IQGAP2: variants seen among roughly 807,000 people sequenced by gnomAD.
The protein encoded by IQGAP2 is ras GTPase-activating-like protein IQGAP2.
In IQGAP2, 173 loss-of-function variants were observed where a neutral mutation model predicts 201.3. The ratio of observed to expected loss-of-function variants is 0.86; its 90% CI spans 0.76 to 0.98. The LOEUF is 0.98. IQGAP2 is among the 50% of genes least tolerant of loss of function. IQGAP2 has a pLI of 0.00. For synonymous variants in IQGAP2, 675 were observed against 673.9 expected, an observed-to-expected ratio of 1.00 and a Z score of -0.03; for missense variants, 1,687 against 1,864.8, an observed-to-expected ratio of 0.90 and a Z score of 1.76.
At chr5:76,452,944 T>G (rs1005410569) in intron 1 of IQGAP2, among the ~76,000 whole-genome samples, 1 of 140,706 alleles carries the variant, frequency 7.1e-6, no homozygotes, top group Non-Finnish European at 1.5e-5. Flanking sequence ...GGAGTCTCGC[T>G]CTGTAGCCCA....
At chr5:76,504,098 G>A (rs1453829876) in intron 2 of IQGAP2, among the ~76,000 whole-genome samples, 1 of 152,208 alleles carries the variant, frequency 6.6e-6, no homozygotes, top group Non-Finnish European at 1.5e-5. Flanking sequence ...CAGCGGCCTT[G>A]ACTTTTAGAG....
At chr5:76,673,670 A>G (rs1331952849) in intron 25 of IQGAP2, 81 bp downstream of exon 25, 4 of 1,398,346 alleles carry the variant, frequency 2.9e-6, no homozygotes, top group East Asian at 4.6e-5. Context: ...CCTGTAGTGA[A>G]GACAGCAGTT....
chr5:76,638,934 G>C (rs148692994), intron 16 of IQGAP2, among the ~76,000 whole-genome samples: 28 of 152,310 alleles, frequency 1.8e-4, no homozygotes, highest in African/African-American at 6.3e-4. Context: ...GGTAAAGTCA[G>C]AGGAATGTGA....
At chr5:76,649,964 T>C (rs1752384130) in intron 17 of IQGAP2, among the ~76,000 whole-genome samples, 1 of 152,234 alleles carries the variant, frequency 6.6e-6, no homozygotes, top group Non-Finnish European at 1.5e-5. Context: ...GCTTGCACCC[T>C]CTGAAGCAGC....
intron 2 of IQGAP2, among the ~76,000 whole-genome samples, chr5:76,542,666 T>A (rs1327776287): frequency 6.6e-6 from 1 of 152,234 alleles, no homozygotes; most frequent in Non-Finnish European, 1.5e-5. Context: ...TTGAGCCCCT[T>A]GAGGGACAGG....
chr5:76,696,629 T>C (rs1172196342), intron 32 of IQGAP2, among the ~76,000 whole-genome samples: 1 of 152,182 alleles, frequency 6.6e-6, no homozygotes, highest in African/African-American at 2.4e-5. Context: ...TGCGCTCAGC[T>C]TTGTTCTTTG....
chr5:76,655,050 G>A, intron 20 of IQGAP2, 47 bp downstream of exon 20: 1 of 1,390,064 alleles, frequency 7.2e-7, no homozygotes, highest in South Asian at 1.2e-5. Context: ...TTATAAACCA[G>A]GCAAGGACAT....
At chr5:76,593,823 C>T (rs1041512022) in intron 9 of IQGAP2, among the ~76,000 whole-genome samples, 10 of 152,274 alleles carry the variant, frequency 6.6e-5, no homozygotes, top group African/African-American at 2.4e-4. Flanking sequence ...TTAACATCCT[C>T]GTTGAGTTTT....
chr5:76,447,398 A>G (rs58151471), intron 1 of IQGAP2, among the ~76,000 whole-genome samples: 13,357 of 152,176 alleles, frequency 0.088, 1,391 homozygotes, highest in African/African-American at 0.25. Context: ...CTGGGCATTC[A>G]AGCCGGCAAT....
intron 13 of IQGAP2, among the ~76,000 whole-genome samples, chr5:76,623,888 G>C (rs1749961237): frequency 6.7e-6 from 1 of 150,062 alleles, no homozygotes; most frequent in Non-Finnish European, 1.5e-5. Context: ...CCTGGCTTTT[G>C]AGTGGTGGTG....
chr5:76,597,727 C>G (rs1174275057), intron 10 of IQGAP2, 125 bp downstream of exon 10: 1 of 893,372 alleles, frequency 1.1e-6, no homozygotes, highest in East Asian at 2.5e-5. Flanking sequence ...CCTGGTCTCA[C>G]TGGCCCACCT....
intron 2 of IQGAP2, among the ~76,000 whole-genome samples, chr5:76,474,037 T>C (rs373719234): frequency 2.6e-5 from 4 of 152,324 alleles, no homozygotes; most frequent in African/African-American, 4.8e-5. Flanking sequence ...TAGGGTGATA[T>C]AGAATGTAGA....
At chr5:76,580,930 A>C (rs899944080) in intron 5 of IQGAP2, among the ~76,000 whole-genome samples, 1 of 152,218 alleles carries the variant, frequency 6.6e-6, no homozygotes, top group African/African-American at 2.4e-5. Flanking sequence ...CTTGCTGTCT[A>C]GTTCATTTGA....
At chr5:76,609,828 GTT>G (rs1248354816) in intron 12 of IQGAP2, among the ~76,000 whole-genome samples, 75 of 137,646 alleles carry the variant, frequency 5.4e-4, no homozygotes, top group Non-Finnish European at 1.0e-3. Context: ...GTATATGTGT[GTT>G]TTATATATAT....
intron 35 of IQGAP2, among the ~76,000 whole-genome samples, chr5:76,705,352 C>T (rs1747780914): frequency 6.6e-6 from 1 of 152,168 alleles, no homozygotes; most frequent in Non-Finnish European, 1.5e-5. Context: ...CCAATTTACA[C>T]ACAGGGAAAC....
At chr5:76,667,732 GT>G (rs1318200941) in intron 22 of IQGAP2, among the ~76,000 whole-genome samples, 1 of 152,120 alleles carries the variant, frequency 6.6e-6, no homozygotes, top group Non-Finnish European at 1.5e-5. Flanking sequence ...CTCACTCTGT[GT>G]AGAACATTGT....
chr5:76,421,911 C>A (rs1002576773), intron 1 of IQGAP2, among the ~76,000 whole-genome samples: 9 of 148,986 alleles, frequency 6.0e-5, no homozygotes, highest in Non-Finnish European at 8.8e-5. Context: ...AAGGTCTTAA[C>A]TTCCCTAGCT....
intron 2 of IQGAP2, among the ~76,000 whole-genome samples, chr5:76,470,122 T>C (rs1415229256): frequency 6.6e-6 from 1 of 152,170 alleles, no homozygotes; most frequent in Non-Finnish European, 1.5e-5. Context: ...AGATCTCAGT[T>C]CCTTGCTGCT....
At chr5:76,668,902 G>T (rs2150477212) in intron 23 of IQGAP2, 58 bp downstream of exon 23, 2 of 1,082,392 alleles carry the variant, frequency 1.8e-6, no homozygotes, top group Non-Finnish European at 2.6e-6. Flanking sequence ...TGTTAGTGGT[G>T]GCTGTCTTTG....
Sources: allele counts gnomAD v4.1 joint callset (sites outside exome capture counted in the v4.1 genomes callset), GRCh38; gene constraint gnomAD v4.1.1; transcripts MANE v1.5; gene names NCBI Gene and HGNC (gene_info 2026-07-23, HGNC 2026-07-21).